Variants in PHACTR3 observed in about 807,000 individuals in gnomAD.
PHACTR3 encodes protein phosphatase 1, regulatory subunit 123.
A neutral mutation model predicts 66.8 loss-of-function variants in PHACTR3; 16 were observed. The ratio of observed to expected loss-of-function variants is 0.24; its 90% confidence interval spans 0.16 to 0.36. The LOEUF is 0.36. PHACTR3 is among the 10% of genes least tolerant of loss of function. The pLI is 1.00. For synonymous variants in PHACTR3, 323 were observed against 292.1 expected (o/e 1.11, Z -1.08); for missense variants, 647 against 719.9 (o/e 0.90, Z 1.16).
At chr20:59,734,742 C>T (rs2038887766) in intron 1 of PHACTR3, among the ~76,000 whole-genome samples, 1 of 152,088 alleles carries the variant, frequency 6.6e-6, no homozygotes, top group African/African-American at 2.4e-5. Flanking sequence ...CTGGGGACCT[C>T]AGACCTAGCT....
At chr20:59,802,843 C>A (rs1314223645) in intron 7 of PHACTR3, among the ~76,000 whole-genome samples, 2 of 152,200 alleles carry the variant, frequency 1.3e-5, no homozygotes, top group Non-Finnish European at 2.9e-5. Flanking sequence ...ATTTCTTGCA[C>A]AATGCATGGA....
intron 3 of PHACTR3, among the ~76,000 whole-genome samples, chr20:59,751,501 A>G (rs532120292): frequency 7.9e-5 from 12 of 152,156 alleles, no homozygotes; most frequent in African/African-American, 2.9e-4. Flanking sequence ...CACATTGGAC[A>G]CCCTGGAGCT....
chr20:59,776,485 C>T (rs2040541725), intron 7 of PHACTR3, among the ~76,000 whole-genome samples: 1 of 151,988 alleles, frequency 6.6e-6, no homozygotes, highest in Admixed American at 6.6e-5. Flanking sequence ...GAGAGCACTT[C>T]TTCCTGTCCT....
chr20:59,812,010 C>A (rs567289511), intron 8 of PHACTR3, among the ~76,000 whole-genome samples: 1 of 152,310 alleles, frequency 6.6e-6, no homozygotes, highest in East Asian at 1.9e-4. Context: ...CACTCCTGGG[C>A]GAGCTGTCAC....
chr20:59,840,277 G>A, intron 9 of PHACTR3, 92 bp from the exon 10 acceptor site: 1 of 1,505,456 alleles, frequency 6.6e-7, no homozygotes, highest in South Asian at 1.3e-5. Context: ...CCAGAAATAT[G>A]GATATCTTGG....
intron 1 of PHACTR3, among the ~76,000 whole-genome samples, chr20:59,714,274 G>A (rs1296088890): frequency 6.6e-6 from 1 of 152,038 alleles, no homozygotes; most frequent in Admixed American, 6.6e-5. Flanking sequence ...AGGAGTATTT[G>A]CCTACCCACA....
intron 1 of PHACTR3, among the ~76,000 whole-genome samples, chr20:59,629,319 C>G (rs1157388083): frequency 6.6e-6 from 1 of 152,232 alleles, no homozygotes; most frequent in Non-Finnish European, 1.5e-5. Flanking sequence ...ACCCCACCTC[C>G]CTTCTTCCCA....
chr20:59,769,541 G>A (rs561619706), intron 5 of PHACTR3, among the ~76,000 whole-genome samples: 1 of 152,314 alleles, frequency 6.6e-6, no homozygotes, highest in East Asian at 1.9e-4. Context: ...CTCCAAAACT[G>A]TGAGAGTTGT....
intron 7 of PHACTR3, among the ~76,000 whole-genome samples, chr20:59,797,919 G>T (rs1027540669): frequency 6.6e-6 from 1 of 151,288 alleles, no homozygotes; most frequent in African/African-American, 2.4e-5. Context: ...CAGGAATATT[G>T]GTCTTTCATT....
chr20:59,672,092 G>A (rs2036212181), intron 1 of PHACTR3, among the ~76,000 whole-genome samples: 2 of 152,218 alleles, frequency 1.3e-5, no homozygotes, highest in African/African-American at 2.4e-5. Flanking sequence ...GGGCAGTTTG[G>A]GCACCGTCTG....
intron 1 of PHACTR3, among the ~76,000 whole-genome samples, chr20:59,630,640 A>G (rs2034627714): frequency 6.6e-6 from 1 of 152,190 alleles, no homozygotes; most frequent in African/African-American, 2.4e-5. Flanking sequence ...GAAGTTGGGG[A>G]GACACCGGGT....
At chr20:59,787,542 A>T (rs1028304347) in intron 7 of PHACTR3, among the ~76,000 whole-genome samples, 2 of 152,200 alleles carry the variant, frequency 1.3e-5, no homozygotes, top group Non-Finnish European at 2.9e-5. Flanking sequence ...AAAATGCACA[A>T]GAGATATAGG....
intron 1 of PHACTR3, among the ~76,000 whole-genome samples, chr20:59,703,676 G>C (rs1374182530): frequency 6.6e-6 from 1 of 151,050 alleles, no homozygotes; most frequent in South Asian, 2.1e-4. Context: ...TAATATTTTG[G>C]TGTATTTCCT....
chr20:59,713,078 G>A (rs180902256), intron 1 of PHACTR3, among the ~76,000 whole-genome samples: 471 of 152,326 alleles, frequency 3.1e-3, no homozygotes, highest in East Asian at 0.01. Flanking sequence ...CTCACAACAC[G>A]GTCTAGGGTC....
intron 1 of PHACTR3, among the ~76,000 whole-genome samples, chr20:59,728,894 T>G (rs2038663048): frequency 6.6e-6 from 1 of 152,016 alleles, no homozygotes; most frequent in African/African-American, 2.4e-5. Context: ...GGAGGGTGCT[T>G]GGATGTCTCA....
At chr20:59,587,763 G>A in intron 1 of PHACTR3, among the ~76,000 whole-genome samples, 1 of 152,212 alleles carries the variant, frequency 6.6e-6, no homozygotes, top group Middle Eastern at 3.4e-3. Context: ...CGGGGCTGGG[G>A]CTGGGGCTGG....
At chr20:59,584,410 CTGTGTGTGTATGCA>C (rs1037410063) in intron 1 of PHACTR3, among the ~76,000 whole-genome samples, 7 of 149,828 alleles carry the variant, frequency 4.7e-5, no homozygotes, top group African/African-American at 1.7e-4. Flanking sequence ...GTGTGCGTGC[CTGTGTGTGTATGCA>C]TGTGTGTGAG....
At chr20:59,600,335 C>T (rs908835332), upstream of PHACTR3, among the ~76,000 whole-genome samples, 2 of 152,246 alleles carry the variant, frequency 1.3e-5, no homozygotes, top group Non-Finnish European at 2.9e-5. Flanking sequence ...ACCTCAAGCT[C>T]CACAAAGCCA....
chr20:59,586,475 T>C (rs2033031663), intron 1 of PHACTR3, among the ~76,000 whole-genome samples: 1 of 152,236 alleles, frequency 6.6e-6, no homozygotes, highest in Non-Finnish European at 1.5e-5. Context: ...ATGGCTTTGC[T>C]ATCTGTGCCT....
Sources: allele counts gnomAD v4.1 joint callset (sites outside exome capture counted in the v4.1 genomes callset), GRCh38; gene constraint gnomAD v4.1.1; transcripts MANE v1.5; gene names NCBI Gene and HGNC (gene_info 2026-07-23, HGNC 2026-07-21).